TBCEL: variants seen among roughly 807,000 people sequenced by gnomAD.
The protein encoded by TBCEL is tubulin-specific chaperone cofactor E-like protein.
TBCEL carries 15 observed loss-of-function variants against 44.2 expected under a neutral mutation model. The ratio of observed to expected loss-of-function variants is 0.34; its 90% CI spans 0.23 to 0.52. The LOEUF is 0.52. Ranked by LOEUF, TBCEL falls within the 20% of genes least tolerant of loss-of-function variation. The pLI is 0.95. For missense variants in TBCEL, 319 were observed against 506.3 expected, an observed-to-expected ratio of 0.63 and a Z score of 3.55; for synonymous variants, 171 against 185.4, an observed-to-expected ratio of 0.92 and a Z score of 0.63.
intron 7 of TBCEL, among the ~76,000 whole-genome samples, chr11:121,059,719 G>T (rs1477174412): frequency 1.3e-5 from 2 of 151,894 alleles, no homozygotes; most frequent in Non-Finnish European, 2.9e-5. Flanking sequence ...GGACAGTGCT[G>T]CCTAGAATCT....
Position 121,087,237 on chromosome 11 carries a change from T to TC in TBCEL, c.*146dup. 1.1e-6 allele frequency: 1 copy of TC among 939,996 alleles called. No individual in the cohort carries two copies. Among genetic ancestry groups the TC allele is most frequent in the Non-Finnish European group, 1.5e-6 (1 of 648,334 alleles). 58.2% of individuals were successfully genotyped at this position (939,996 alleles called of 1,614,324 possible). A position where few individuals can be genotyped will look rare whatever the true frequency, so the allele number is the denominator to read the frequency against. On this transcript the variant is annotated 3_prime_UTR_variant, in exon 9 of 9. Transcript: ENST00000683345. Reference sequence around the variant, plus strand: ...GTTTGGGAAGGATTTTGTATATTTTTCCCCCTGGAGTGAGTAGGGGCCATT... The same window carrying TC: ...GTTTGGGAAGGATTTTGTATATTTTTCCCCCCTGGAGTGAGTAGGGGCCATT...
Position 121,090,537 on chromosome 11 carries a change from ACT to A in TBCEL, c.*3444_*3445del, listed in dbSNP as rs1946274758. 1 of 151,936 alleles carries A rather than the reference ACT, an allele frequency of 6.6e-6. No homozygotes were observed. The highest frequency in any genetic ancestry group is 1.5e-5 in the Non-Finnish European group (1 of 67,976). The allele number at this position is 151,936 out of a possible 1,614,324, so 9.4% of individuals were successfully genotyped here. ...CTGTGTTACCAGATGTGTTGTGAAC[ACT>A]CTACTATTTTTCATAGGTGCTTCCT... On this transcript the variant is annotated 3_prime_UTR_variant, in exon 9 of 9. Transcript: ENST00000683345.
At chr11:121,053,485 T>G in intron 4 of TBCEL, 66 bp from the exon 5 acceptor site, 30 of 1,491,552 alleles carry the variant, frequency 2.0e-5, no homozygotes, top group Non-Finnish European at 2.7e-5. Flanking sequence ...TAGGCTTTCT[T>G]GAGCATGATT....
At chr11:121,026,453 C>CATACTTAAAT (rs1490488319) in intron 1 of TBCEL, among the ~76,000 whole-genome samples, 2 of 152,170 alleles carry the variant, frequency 1.3e-5, no homozygotes, top group Non-Finnish European at 2.9e-5. Context: ...TCAGTAGGTA[C>CATACTTAAAT]ACAGGGTATG....
chr11:121,044,863 G>T (rs891306958), intron 2 of TBCEL, among the ~76,000 whole-genome samples: 2 of 152,042 alleles, frequency 1.3e-5, no homozygotes, highest in African/African-American at 4.8e-5. Context: ...TTAGGATTAG[G>T]TCCAGTTATA....
intron 8 of TBCEL, among the ~76,000 whole-genome samples, chr11:121,068,532 C>G (rs1945864800): frequency 6.6e-6 from 1 of 152,014 alleles, no homozygotes; most frequent in South Asian, 2.1e-4. Context: ...ACCCTTGCTC[C>G]CTTAAGGCCC....
intron 8 of TBCEL, among the ~76,000 whole-genome samples, chr11:121,079,698 A>T (rs1201610474): frequency 6.6e-6 from 1 of 152,234 alleles, no homozygotes; most frequent in Admixed American, 6.5e-5. Flanking sequence ...CCAGGATATG[A>T]TGCCACATCA....
intron 8 of TBCEL, among the ~76,000 whole-genome samples, chr11:121,061,336 A>G (rs901733834): frequency 6.6e-6 from 1 of 151,988 alleles, no homozygotes; most frequent in Non-Finnish European, 1.5e-5. Flanking sequence ...GAGTTTATTT[A>G]ACTTCCAGTC....
intron 8 of TBCEL, among the ~76,000 whole-genome samples, chr11:121,066,305 T>G (rs971833486): frequency 6.6e-6 from 1 of 152,198 alleles, no homozygotes; most frequent in African/African-American, 2.4e-5. Context: ...GCATTACTCC[T>G]TAAGAGTTAA....
chr11:121,024,642 G>A (rs1945013462), intron 1 of TBCEL, among the ~76,000 whole-genome samples: 1 of 152,160 alleles, frequency 6.6e-6, no homozygotes, highest in African/African-American at 2.4e-5. Context: ...CCCAGCGTGG[G>A]GGATGGGTAG....
chr11:121,026,914 A>G (rs1945056294), intron 1 of TBCEL, among the ~76,000 whole-genome samples: 1 of 152,088 alleles, frequency 6.6e-6, no homozygotes, highest in Non-Finnish European at 1.5e-5. Context: ...TGTGCTTTTT[A>G]ATAGTTTTTG....
chr11:121,041,683 C>T (rs190025628), intron 2 of TBCEL, among the ~76,000 whole-genome samples: 20 of 151,996 alleles, frequency 1.3e-4, no homozygotes, highest in Admixed American at 2.6e-4. Flanking sequence ...CCTGTATTTC[C>T]TCATTTTTCA....
chr11:121,028,314 A>G (rs1312490930), intron 1 of TBCEL, among the ~76,000 whole-genome samples: 1 of 152,242 alleles, frequency 6.6e-6, no homozygotes, highest in African/African-American at 2.4e-5. Context: ...GCATTTTATC[A>G]AGCTGTCTGG....
At chr11:121,027,909 T>G (rs945563426) in intron 1 of TBCEL, among the ~76,000 whole-genome samples, 1 of 152,040 alleles carries the variant, frequency 6.6e-6, no homozygotes, top group Non-Finnish European at 1.5e-5. Flanking sequence ...GAACGTATGG[T>G]TAAAAATGCA....
rs564183617 is a variant in TBCEL at position 121,088,129 on chromosome 11, A to C, written c.*1033A>C. ...GTTGGGGGATGTGGGGGAAGAGCTT[A>C]TGACTTTCCCACCTGTGTCATCCAT... is the stretch of plus-strand genomic sequence containing the variant. On this transcript the variant is annotated 3_prime_UTR_variant, in exon 9 of 9. Transcript: ENST00000683345. 1 of 152,334 alleles carries C rather than the reference A, an allele frequency of 6.6e-6. No individual in the cohort carries two copies. Among genetic ancestry groups the C allele is most frequent in the South Asian group, 2.1e-4 (1 of 4,828 alleles). 9.4% of individuals were successfully genotyped at this position (152,334 alleles called of 1,614,324 possible). A position where few individuals can be genotyped will look rare whatever the true frequency, so the allele number is the denominator to read the frequency against.
chr11:121,079,202 T>G (rs1383511455), intron 8 of TBCEL, among the ~76,000 whole-genome samples: 1 of 152,154 alleles, frequency 6.6e-6, no homozygotes, highest in Non-Finnish European at 1.5e-5. Flanking sequence ...GGAAGACAAG[T>G]GGGAAACATC....
At chr11:121,066,131 A>G (rs1054550606) in intron 8 of TBCEL, among the ~76,000 whole-genome samples, 1 of 152,234 alleles carries the variant, frequency 6.6e-6, no homozygotes, top group African/African-American at 2.4e-5. Flanking sequence ...GGTACAGCCA[A>G]GGTTTCTGTA....
At position 121,045,814 on chromosome 11, in the gene TBCEL, C is replaced by T; in HGVS notation, c.124C>T (p.Pro42Ser). Reference protein sequence around the residue: ...VHVPATPQGSPMKDRLNLPSV... With the variant: ...VHVPATPQGSSMKDRLNLPSV... The stretch of plus-strand genomic sequence containing the variant: ...TGTCCCAGCCACACCTCAGGGCTCT[C>T]CTATGAAAGGTAAGAAAGATGGGAC... The change falls in exon 3 of 9, where the codon CCT becomes TCT. Residue 42 changes from proline (P) to serine (S), a missense_variant. Pro to Ser is a moderately conservative substitution (Grantham distance 74). Coordinates refer to ENST00000683345, the MANE Select transcript of TBCEL (RefSeq NM_001363644.2). 1 of 1,584,340 alleles carries T rather than the reference C, an allele frequency of 6.3e-7. No homozygotes were observed. The highest frequency in any genetic ancestry group is 8.5e-7 in the Non-Finnish European group (1 of 1,171,074).
At chr11:121,044,469 T>C (rs149492820) in intron 2 of TBCEL, among the ~76,000 whole-genome samples, 3 of 152,284 alleles carry the variant, frequency 2.0e-5, no homozygotes, top group South Asian at 2.1e-4. Context: ...CTTACTCATA[T>C]ATACCATAAT....
Sources: gnomAD v4.1 joint callset for allele counts (sites outside exome capture counted in the v4.1 genomes callset) on GRCh38, gnomAD v4.1.1 for gene constraint, MANE v1.5 for transcripts, NCBI Gene and HGNC (gene_info 2026-07-23, HGNC 2026-07-21) for gene names.